SCUBE1: variants seen among roughly 807,000 people sequenced by gnomAD.
SCUBE1 encodes signal peptide, CUB domain and EGF like domain containing 1, also known as signal peptide, CUB and EGF-like domain-containing protein 1.
A neutral mutation model predicts 124.4 loss-of-function variants in SCUBE1; 59 were observed. The ratio of observed to expected loss-of-function variants is 0.47; its 90% CI spans 0.38 to 0.59. The LOEUF (loss-of-function observed/expected upper bound fraction) is 0.59, where lower values mean the gene tolerates loss of function less well. Ranked by LOEUF, SCUBE1 falls within the 20% of genes least tolerant of loss-of-function variation. The probability of loss-of-function intolerance (pLI) is 0.00; values close to 1 mark genes in which losing one functional copy is unlikely to be tolerated. For synonymous variants in SCUBE1, 545 were observed against 550.9 expected (o/e 0.99, Z 0.15); for missense variants, 1,150 against 1,371.2 (o/e 0.84, Z 2.55).
intron 6 of SCUBE1, among the ~76,000 whole-genome samples, chr22:43,240,652 C>A (rs574449251): frequency 6.6e-6 from 1 of 152,240 alleles, no homozygotes; most frequent in Non-Finnish European, 1.5e-5. Context: ...AAGGACGAGC[C>A]TTCTCTTCCA....
intron 3 of SCUBE1, among the ~76,000 whole-genome samples, chr22:43,296,609 G>C (rs1485298359): frequency 2.0e-5 from 3 of 152,224 alleles, no homozygotes; most frequent in Non-Finnish European, 4.4e-5. Context: ...GTAGAGTGGA[G>C]AGCGGGCCCT....
Position 43,255,792 on chromosome 22 carries a change from C to T in SCUBE1, c.727+2427G>A, listed in dbSNP as rs765016521. Among the ~76,000 whole-genome samples, 3 of 151,978 alleles carry T rather than the reference C, an allele frequency of 2.0e-5. No homozygotes were observed. Among genetic ancestry groups the T allele is most frequent in the Non-Finnish European group, 2.9e-5 (2 of 68,000 alleles). Reference sequence around the variant, plus strand: ...GGCAGCGAGGGCGGGGGCGGGGGGACGTGCAGGAAAGGAGGAATGACCACA... The same window carrying T: ...GGCAGCGAGGGCGGGGGCGGGGGGATGTGCAGGAAAGGAGGAATGACCACA... On this transcript the variant is annotated intron_variant, in intron 6 of 21. Transcript: ENST00000360835. The surrounding 1 kb of genome is among the most constrained non-coding windows in gnomAD (Gnocchi z 4.7).
At chr22:43,333,292 C>T (rs1228897226) in intron 2 of SCUBE1, among the ~76,000 whole-genome samples, 1 of 152,232 alleles carries the variant, frequency 6.6e-6, no homozygotes, top group African/African-American at 2.4e-5. Context: ...CTGAGGCACT[C>T]ACCTGTCTGG....
At chr22:43,215,173 G>C (rs988257884) in intron 15 of SCUBE1, among the ~76,000 whole-genome samples, 8 of 152,250 alleles carry the variant, frequency 5.3e-5, no homozygotes, top group Admixed American at 2.0e-4. Context: ...AGGGGATGGA[G>C]AGTGTCAGTT....
In SCUBE1 at chr22:43,273,561, C is replaced by CTTTTTTTTTTTTTTTTTTTTTTTT. The variant is rs1056252584; in HGVS notation, c.485-10740_485-10717dup. Among the ~76,000 whole-genome samples, 6 of 60,972 alleles carry CTTTTTTTTTTTTTTTTTTTTTTTT rather than the reference C, an allele frequency of 9.8e-5. 1 individual carries two copies. Among genetic ancestry groups the CTTTTTTTTTTTTTTTTTTTTTTTT allele is most frequent in the African/African-American group, 3.9e-4 (6 of 15,252 alleles). The allele number at this position is 60,972 out of a possible 152,430, so 40.0% of individuals were successfully genotyped here. On this transcript the variant is annotated intron_variant, in intron 4 of 21. Coordinates refer to ENST00000360835, the MANE Select transcript of SCUBE1 (RefSeq NM_173050.5). ...TATAAAGTGGGGAGACTAAAACCCTCTTTTTTTTTTTTTTTTTTTTTTTTG... is the reference window on the plus strand; with the variant it reads ...TATAAAGTGGGGAGACTAAAACCCTCTTTTTTTTTTTTTTTTTTTTTTTTTTTTTTTTTTTTTTTTTTTTTTTTG...
intron 7 of SCUBE1, among the ~76,000 whole-genome samples, chr22:43,237,180 C>A (rs1250275886): frequency 1.3e-5 from 2 of 152,162 alleles, no homozygotes; most frequent in Non-Finnish European, 2.9e-5. Flanking sequence ...AGAGCCAGAA[C>A]CAGAGTGGGA....
intron 6 of SCUBE1, among the ~76,000 whole-genome samples, chr22:43,250,502 C>T (rs1923397981): frequency 6.6e-6 from 1 of 152,244 alleles, no homozygotes; most frequent in African/African-American, 2.4e-5. Context: ...CAAGCACTCA[C>T]TCCTGGCCAG....
chr22:43,252,589 C>T, intron 6 of SCUBE1, among the ~76,000 whole-genome samples: 1 of 152,228 alleles, frequency 6.6e-6, no homozygotes, highest in East Asian at 1.9e-4. Context: ...TCCTACCCTT[C>T]TCCCCTCCCG....
chr22:43,286,446 G>A (rs1569013800), intron 4 of SCUBE1, among the ~76,000 whole-genome samples: 1 of 152,258 alleles, frequency 6.6e-6, no homozygotes. Context: ...AGGCTTCAGA[G>A]CAGAGCCCTG....
chr22:43,280,897 T>C (rs79139428), intron 4 of SCUBE1, among the ~76,000 whole-genome samples: 5 of 1,540 alleles, frequency 3.2e-3, no homozygotes, highest in East Asian at 0.033. Flanking sequence ...TGGCCACCCT[T>C]CTGTCATCTC....
At position 43,255,559 on chromosome 22, in the gene SCUBE1, A is replaced by C; in HGVS notation, c.727+2660T>G. On this transcript the variant is annotated intron_variant, in intron 6 of 21. Coordinates refer to ENST00000360835, the MANE Select transcript of SCUBE1 (RefSeq NM_173050.5). This position sits in a 1 kb window ranked among gnomAD's most constrained non-coding sequence, Gnocchi z 4.7. ...CGTGGCATTGAACTGAGAGCGCTCAATTGCAGCCTCATCCTTCTCTAAAAC... is the reference window on the plus strand; with the variant it reads ...CGTGGCATTGAACTGAGAGCGCTCACTTGCAGCCTCATCCTTCTCTAAAAC... The C allele has an allele frequency of 6.4e-7, 1 of 1,550,500 alleles. No homozygotes were observed. The highest frequency in any genetic ancestry group is 8.7e-7 in the Non-Finnish European group (1 of 1,146,948).
At chr22:43,218,184 CACT>C (rs1190935363) in intron 15 of SCUBE1, 68 bp downstream of exon 15, 14 of 1,493,604 alleles carry the variant, frequency 9.4e-6, no homozygotes, top group Non-Finnish European at 1.3e-5. Context: ...GCGTGCCCAC[CACT>C]GTTTACCCCG....
chr22:43,267,484 T>C (rs1569002686), intron 4 of SCUBE1, among the ~76,000 whole-genome samples: 1 of 152,226 alleles, frequency 6.6e-6, no homozygotes, highest in Non-Finnish European at 1.5e-5. Context: ...GCGCTTCGGA[T>C]GCCTGATGTG....
intron 4 of SCUBE1, among the ~76,000 whole-genome samples, chr22:43,280,396 C>CGTCCCTTCCCCTCACCCATCCTGCT (rs1924726022): frequency 2.8e-5 from 3 of 106,446 alleles, no homozygotes; most frequent in African/African-American, 1.3e-4. Context: ...ACCCATCCCC[C>CGTCCCTTCCCCTCACCCATCCTGCT]GTCCCTTCCC....
At chr22:43,278,451 G>T (rs1267547187) in intron 4 of SCUBE1, among the ~76,000 whole-genome samples, 1 of 152,204 alleles carries the variant, frequency 6.6e-6, no homozygotes, top group Admixed American at 6.5e-5. Flanking sequence ...AGTTGATAAT[G>T]GAAAGCCCTG....
At chr22:43,299,603 C>T (rs1410884655) in intron 3 of SCUBE1, among the ~76,000 whole-genome samples, 2 of 152,164 alleles carry the variant, frequency 1.3e-5, no homozygotes, top group African/African-American at 4.8e-5. Context: ...TTCGTGTGAC[C>T]TCTGCTATTT....
In SCUBE1 at chr22:43,205,216, C is replaced by A. The variant is rs557834824; in HGVS notation, c.2815-1067G>T. Among the ~76,000 whole-genome samples the A allele has an allele frequency of 2.0e-5, 3 of 152,280 alleles. No homozygotes were observed. The South Asian group carries it at 6.2e-4, about 32-fold the overall frequency. On this transcript the variant is annotated intron_variant, in intron 21 of 21. Transcript: ENST00000360835. ...CTGCACTGGCGTGAGCAGAGAACCT[C>A]TCCTCAGCGGTGCTCAGTACAGGTT...
intron 2 of SCUBE1, among the ~76,000 whole-genome samples, chr22:43,332,163 CTGTAG>C (rs1926924001): frequency 6.6e-6 from 1 of 152,100 alleles, no homozygotes; most frequent in Admixed American, 6.6e-5. Flanking sequence ...TGGTGCGCAC[CTGTAG>C]TCCCAGGTAC....
At chr22:43,209,729 C>A (rs1399110444) in intron 19 of SCUBE1, among the ~76,000 whole-genome samples, 1 of 152,168 alleles carries the variant, frequency 6.6e-6, no homozygotes, top group African/African-American at 2.4e-5. Context: ...AGGGGCCCTG[C>A]GGCTGGTCCC....
Sources: gnomAD v4.1 joint callset for allele counts (sites outside exome capture counted in the v4.1 genomes callset) on GRCh38, gnomAD v4.1.1 for gene constraint, Gnocchi (gnomAD v3.1) non-coding constraint, MANE v1.5 for transcripts, NCBI Gene and HGNC (gene_info 2026-07-23, HGNC 2026-07-21) for gene names.